The following SNRNP200 variants were observed in gnomAD, a reference collection of about 807,000 sequenced individuals.
SNRNP200 encodes the protein U5 small nuclear ribonucleoprotein 200 kDa helicase.
A neutral mutation model predicts 255.2 loss-of-function variants in SNRNP200; 66 were observed. The ratio of observed to expected loss-of-function variants is 0.26; its 90% CI spans 0.21 to 0.32. The LOEUF is 0.32. SNRNP200 is among the 10% of genes least tolerant of loss of function. The pLI, the probability that SNRNP200 is intolerant of heterozygous loss-of-function variation, is 1.00. For missense variants in SNRNP200, 1,585 were observed against 2,749.8 expected, an observed-to-expected ratio of 0.58 and a Z score of 9.47; for synonymous variants, 939 against 1,027.8, an observed-to-expected ratio of 0.91 and a Z score of 1.65.
chr2:96,303,795 CAGG>C (rs2063969528), intron 2 of SNRNP200, among the ~76,000 whole-genome samples: 1 of 150,392 alleles, frequency 6.6e-6, no homozygotes, highest in African/African-American at 2.5e-5. Context: ...GAGGCTGAGG[CAGG>C]AGAATCGCTT....
In SNRNP200 at chr2:96,286,924, G is replaced by A; in HGVS notation, c.3640-47C>T. On this transcript the variant is annotated intron_variant, in intron 27 of 44. Coordinates refer to ENST00000323853, the MANE Select transcript of SNRNP200 (RefSeq NM_014014.5). The surrounding 1 kb of genome is among the most constrained non-coding windows in gnomAD (Gnocchi z 4.8). Reference sequence around the variant, plus strand: ...AAAGGAATGTGAGTCAACGTAGACTGAGTGCCTCCAATCCATCTCCTCGGC... The same window carrying A: ...AAAGGAATGTGAGTCAACGTAGACTAAGTGCCTCCAATCCATCTCCTCGGC... The A allele has an allele frequency of 1.2e-6, 2 of 1,613,786 alleles. No homozygotes were observed. The highest frequency in any genetic ancestry group is 1.7e-4 in the Middle Eastern group (1 of 6,060).
chr2:96,288,946 A>C, intron 23 of SNRNP200, 91 bp downstream of exon 23: 2 of 1,275,314 alleles, frequency 1.6e-6, no homozygotes, highest in Non-Finnish European at 2.2e-6. Context: ...AGGAAACCAC[A>C]CATGAACCCA....
rs755414563 is a variant in SNRNP200 at position 96,298,369 on chromosome 2, C to T, written c.1034G>A (p.Arg345Lys). 7.4e-6 allele frequency: 12 copies of T among 1,614,154 alleles called. No individual in the cohort carries two copies. The highest frequency in any genetic ancestry group is 1.0e-5 in the Non-Finnish European group (12 of 1,180,028). Residue 345 changes from arginine to lysine, a missense_variant, in exon 9 of 45, where the codon AGG becomes AAG. Physicochemically the swap from Arg to Lys is conservative, Grantham distance 26. Coordinates refer to ENST00000323853, the MANE Select transcript of SNRNP200 (RefSeq NM_014014.5). ...GTCAGCTTCCATCTTTCCCATAATCCTTTCCTTTTCAGCTTCACTTTGTGC... is the reference window on the plus strand; with the variant it reads ...GTCAGCTTCCATCTTTCCCATAATCTTTTCCTTTTCAGCTTCACTTTGTGC... ...ASAQSEAEKE[R>K]IMGKMEADPE...
At chr2:96,300,661 G>C (rs2063946687) in intron 5 of SNRNP200, among the ~76,000 whole-genome samples, 1 of 152,044 alleles carries the variant, frequency 6.6e-6, no homozygotes, top group South Asian at 2.1e-4. Context: ...TGCTCGGGAG[G>C]CTGAGGCAGG....
Position 96,292,990 on chromosome 2 carries a change from T to A in SNRNP200, c.2142A>T (p.Glu714Asp). The change falls in exon 16 of 45, where the codon GAA becomes GAT. Residue 714 changes from glutamate (E) to aspartate (D), a missense_variant. Glu to Asp is a conservative substitution (Grantham distance 45). Transcript: ENST00000323853. ...GGCAAACCTGATTTTTTCCAGCATG[T>A]TCCATGATTTTTTCATAGACGATTT... The part of the protein sequence containing the change: ...MNEIVYEKIM[E>D]HAGKNQVLVF... The A allele has an allele frequency of 6.2e-7, 1 of 1,614,180 alleles. No homozygotes were observed. Among genetic ancestry groups the A allele is most frequent in the Non-Finnish European group, 8.5e-7 (1 of 1,180,034 alleles).
In SNRNP200 at chr2:96,277,338, C is replaced by G. The variant is rs972801658; in HGVS notation, c.5932-97G>C. ...CTACTAATTTTACCTCCTACACTAT[C>G]AAGTCATCTAGATAAAACAGCTGCA... On this transcript the variant is annotated intron_variant, in intron 41 of 44. Transcript: ENST00000323853. This position sits in a 1 kb window ranked among gnomAD's most constrained non-coding sequence, Gnocchi z 4.4. The G allele has an allele frequency of 5.0e-6, 7 of 1,395,100 alleles. No individual in the cohort carries two copies. Among genetic ancestry groups the G allele is most frequent in the African/African-American group, 4.2e-5 (3 of 70,632 alleles). 86.4% of individuals were successfully genotyped at this position (1,395,100 alleles called of 1,614,324 possible).
At chr2:96,288,777 A>G in intron 23 of SNRNP200, 31 bp from the exon 24 acceptor site, 1 of 1,573,378 alleles carries the variant, frequency 6.4e-7, no homozygotes, top group Non-Finnish European at 8.7e-7. Flanking sequence ...CCAGCAGGAG[A>G]CCAATCACTG....
rs779270030 is a variant in SNRNP200, at chr2:96,275,248, C to A, written c.6267+9G>T. 6.2e-7 allele frequency: 1 copy of A among 1,614,036 alleles called. No homozygotes were observed. The highest frequency in any genetic ancestry group is 8.5e-7 in the Non-Finnish European group (1 of 1,179,902). ...CAGAACAAATGCTAGGGCCAGTGGA[C>A]ACACTCACCTTGGCCTTCTGCTGCA... On this transcript the variant is annotated intron_variant, in intron 44 of 44. Coordinates refer to ENST00000323853, the MANE Select transcript of SNRNP200 (RefSeq NM_014014.5).
In SNRNP200 at chr2:96,290,446, C is replaced by A. The variant is rs1160791092; in HGVS notation, c.2622G>T (p.Gly874=). The A allele has an allele frequency of 6.2e-7, 1 of 1,614,160 alleles. No homozygotes were observed. Residue 874 remains glycine (G), a synonymous_variant, in exon 20 of 45, where the codon GGG becomes GGT. Coordinates refer to ENST00000323853, the MANE Select transcript of SNRNP200 (RefSeq NM_014014.5). The surrounding 1 kb of genome is among the most constrained non-coding windows in gnomAD (Gnocchi z 4.5). ...KGEGILITSH[G]ELQYYLSLLN... is the part of the protein sequence containing the mutation. ...GGAGGGACAGGTAGTACTGTAGCTC[C>A]CCATGAGATGTGATGAGTATGCCTT...
chr2:96,277,581 C>T lies in SNRNP200; in HGVS notation c.5889G>A (p.Leu1963=), dbSNP rs1684689433. 1.2e-6 allele frequency: 2 copies of T among 1,613,288 alleles called. No individual in the cohort carries two copies. Among genetic ancestry groups the T allele is most frequent in the South Asian group, 2.2e-5 (2 of 91,046 alleles). The stretch of plus-strand genomic sequence containing the variant: ...TGATATGCTCAGAGGTGAAGTGTGG[C>T]AGCTGCTTCAGGTATGAGTCCTTGG... ...MWSKDSYLKQ[L]PHFTSEHIKR... The change falls in exon 41 of 45, where the codon CTG becomes CTA. Residue 1963 remains leucine, a synonymous_variant. Transcript: ENST00000323853. The surrounding 1 kb of genome is among the most constrained non-coding windows in gnomAD (Gnocchi z 4.4).
At chr2:96,284,745 TTTTC>T (rs1459169344) in intron 30 of SNRNP200, 160 bp from the exon 31 acceptor site, 5 of 618,134 alleles carry the variant, frequency 8.1e-6, no homozygotes, top group Non-Finnish European at 1.1e-5. Context: ...TGGGGCAGCT[TTTTC>T]TTTTTTTTTT....
rs2104358175 is a variant in SNRNP200, at chr2:96,297,710, G to A, written c.1130C>T (p.Ser377Phe). 6.2e-7 allele frequency: 1 copy of A among 1,614,190 alleles called. No homozygotes were observed. Among genetic ancestry groups the A allele is most frequent in the Non-Finnish European group, 8.5e-7 (1 of 1,180,040 alleles). The stretch of plus-strand genomic sequence containing the variant: ...AGACTGACGCACTCGCTCTCTCCGG[G>A]ACCTTTCCTCCTGTAGTGGACAAAG... ...EKEDLIREER[S>F]RRERVRQSRM... Residue 377 changes from serine to phenylalanine, a missense_variant, in exon 10 of 45, where the codon TCC becomes TTC. By Grantham distance (155) the Ser-to-Phe change is radical. Transcript: ENST00000323853.
Position 96,290,478 on chromosome 2 carries a change from T to C in SNRNP200, c.2590A>G (p.Lys864Glu). Residue 864 changes from lysine to glutamate, a missense_variant, in exon 20 of 45, where the codon AAG (lysine) becomes GAG (glutamate). Transcript: ENST00000323853. This position sits in a 1 kb window ranked among gnomAD's most constrained non-coding sequence, Gnocchi z 4.5. Reference protein sequence around the residue: ...GRAGRPQYDTKGEGILITSHG... With the variant: ...GRAGRPQYDTEGEGILITSHG... The stretch of plus-strand genomic sequence containing the variant: ...GATGTGATGAGTATGCCTTCACCCT[T>C]GGTGTCATACTGGGGTCTTCCGGCA... 6.2e-7 allele frequency: 1 copy of C among 1,614,174 alleles called. No homozygotes were observed. The highest frequency in any genetic ancestry group is 8.5e-7 in the Non-Finnish European group (1 of 1,180,018).
intron 2 of SNRNP200, among the ~76,000 whole-genome samples, chr2:96,303,971 C>G (rs1346446478): frequency 6.6e-6 from 1 of 151,738 alleles, no homozygotes; most frequent in Non-Finnish European, 1.5e-5. Context: ...TTTTTCACCT[C>G]TCCAATGCAT....
intron 12 of SNRNP200, 90 bp from the exon 13 acceptor site, chr2:96,296,781 A>G: frequency 2.6e-6 from 4 of 1,566,198 alleles, no homozygotes; most frequent in Non-Finnish European, 3.5e-6. Context: ...AATAGAGAAT[A>G]GAGCTTGTCC....
At position 96,291,385 on chromosome 2, in the gene SNRNP200, C is replaced by T; in HGVS notation, c.2421+7G>A. ...CCTGCTCCTCCAAACGCTTTGCACC[C>T]CCTCACCTGAATATGTTTATCAGCA... On this transcript the variant is annotated splice_region_variant and intron_variant, in intron 18 of 44. Transcript: ENST00000323853. This position sits in a 1 kb window ranked among gnomAD's most constrained non-coding sequence, Gnocchi z 4.2. The T allele has an allele frequency of 6.6e-7, 1 of 1,520,806 alleles. No homozygotes were observed. The highest frequency in any genetic ancestry group is 9.1e-7 in the Non-Finnish European group (1 of 1,094,930). The allele number at this position is 1,520,806 out of a possible 1,614,324, so 94.2% of individuals were successfully genotyped here. A position where few individuals can be genotyped will look rare whatever the true frequency, so the allele number is the denominator to read the frequency against.
chr2:96,298,761 G>A lies in SNRNP200; in HGVS notation c.882+54C>T, dbSNP rs17119410. The A allele has an allele frequency of 0.016, 26,620 of 1,613,534 alleles. 873 individuals are homozygous for A. In the East Asian group the frequency reaches 0.17, roughly 11 times the overall value. ...AAAGCCATCTGCCACTTCATACGCTGTCCCCATGTGCTAAGATACACTAAA... is the reference window on the plus strand; with the variant it reads ...AAAGCCATCTGCCACTTCATACGCTATCCCCATGTGCTAAGATACACTAAA... On this transcript the variant is annotated intron_variant, in intron 7 of 44. Transcript: ENST00000323853.
intron 2 of SNRNP200, among the ~76,000 whole-genome samples, chr2:96,303,845 C>A (rs942310961): frequency 1.2e-4 from 18 of 149,740 alleles, no homozygotes; most frequent in Non-Finnish European, 2.2e-4. Context: ...AGAGAGATCA[C>A]GCCACTGCAC....
chr2:96,298,427 A>G lies in SNRNP200; in HGVS notation c.983-7T>C, dbSNP rs778082108. The stretch of plus-strand genomic sequence containing the variant: ...AGCAAGGTACAGTATAAAACTACCC[A>G]CAACAAAAGGAACAAAGGAAGTGAG... On this transcript the variant is annotated splice_polypyrimidine_tract_variant and splice_region_variant and intron_variant, in intron 8 of 44. Transcript: ENST00000323853. 47 of 1,614,178 alleles carry G rather than the reference A, an allele frequency of 2.9e-5. No individual in the cohort carries two copies. The East Asian group carries it at 1.0e-3, about 34-fold the overall frequency.
Sources: allele counts gnomAD v4.1 joint callset (sites outside exome capture counted in the v4.1 genomes callset), GRCh38; gene constraint gnomAD v4.1.1; non-coding constraint Gnocchi (gnomAD v3.1); transcripts MANE v1.5; gene names NCBI Gene and HGNC (gene_info 2026-07-23, HGNC 2026-07-21).